Variants in KIAA0930 observed in about 807,000 individuals in gnomAD.
The protein encoded by KIAA0930 is uncharacterized protein KIAA0930.
Under a neutral mutation model 43.9 loss-of-function variants are expected in KIAA0930, and 24 were observed. That is an observed-to-expected ratio of 0.55 (90% CI 0.40 to 0.77). The LOEUF (loss-of-function observed/expected upper bound fraction) is 0.77. Among genes scored for constraint, KIAA0930 ranks in the 30% least tolerant of loss-of-function variants. The pLI, the probability that KIAA0930 is intolerant of heterozygous loss-of-function variation, is 0.00. For missense variants in KIAA0930, 461 were observed against 574.2 expected, an observed-to-expected ratio of 0.80 and a Z score of 2.02; for synonymous variants, 259 against 216.4, an observed-to-expected ratio of 1.20 and a Z score of -1.73.
intron 1 of KIAA0930, among the ~76,000 whole-genome samples, chr22:45,229,957 A>C (rs952206903): frequency 4.6e-5 from 7 of 152,238 alleles, no homozygotes; most frequent in Non-Finnish European, 8.8e-5. Flanking sequence ...TGAGCCAGGC[A>C]TGGTGGCAGG....
intron 1 of KIAA0930, among the ~76,000 whole-genome samples, chr22:45,215,764 C>T (rs9615065): frequency 0.22 from 33,891 of 152,164 alleles, 3,936 homozygotes; most frequent in Non-Finnish European, 0.27. Flanking sequence ...CAGACGAGAA[C>T]GCTAGGAGTG....
chr22:45,222,590 T>C (rs1044008364), intron 1 of KIAA0930, among the ~76,000 whole-genome samples: 12 of 151,826 alleles, frequency 7.9e-5, no homozygotes, highest in African/African-American at 2.9e-4. Flanking sequence ...ATTACAAGCA[T>C]GAGCCACTGG....
At chr22:45,211,726 T>C (rs533635411) in intron 2 of KIAA0930, among the ~76,000 whole-genome samples, 40 of 152,308 alleles carry the variant, frequency 2.6e-4, no homozygotes, top group Non-Finnish European at 4.4e-4. Flanking sequence ...ATCACTGCCC[T>C]TCAGGGTCAC....
In KIAA0930 at chr22:45,231,860, G is replaced by A. The variant is rs539200907; in HGVS notation, c.64+8780C>T. 3.3e-5 allele frequency among the ~76,000 whole-genome samples: 5 copies of A among 152,218 alleles called. No individual in the cohort carries two copies. The East Asian group carries it at 7.7e-4, about 23-fold the overall frequency. ...ACGAAAAATTAGCTGGTGTGGTGGCGGGTGCCTGTAGTCCCAGCTACTCGG... is the reference window on the plus strand; with the variant it reads ...ACGAAAAATTAGCTGGTGTGGTGGCAGGTGCCTGTAGTCCCAGCTACTCGG... On this transcript the variant is annotated intron_variant, in intron 1 of 9. Coordinates refer to ENST00000336156, the MANE Select transcript of KIAA0930 (RefSeq NM_001009880.2).
chr22:45,230,608 G>C (rs755967890), intron 1 of KIAA0930, among the ~76,000 whole-genome samples: 18 of 131,422 alleles, frequency 1.4e-4, no homozygotes, highest in Non-Finnish European at 2.5e-4. Context: ...TTGAGACGAT[G>C]TCTTGCTCTG....
chr22:45,208,379 G>T (rs1348872590), intron 2 of KIAA0930, among the ~76,000 whole-genome samples: 2 of 146,982 alleles, frequency 1.4e-5, no homozygotes, highest in South Asian at 4.2e-4. Flanking sequence ...TGCACGAGCT[G>T]TAAGAACAGG....
At chr22:45,209,198 C>T (rs115646143) in intron 2 of KIAA0930, among the ~76,000 whole-genome samples, 356 of 152,318 alleles carry the variant, frequency 2.3e-3, no homozygotes, top group African/African-American at 8.1e-3. Context: ...CTATGGCAAC[C>T]GGGTACCAGC....
At chr22:45,229,041 C>A (rs1359037352) in intron 1 of KIAA0930, among the ~76,000 whole-genome samples, 1 of 104,096 alleles carries the variant, frequency 9.6e-6, no homozygotes, top group Non-Finnish European at 1.9e-5. Flanking sequence ...CCCTCTCCAC[C>A]CCCCCACCAC....
At chr22:45,211,644 T>C (rs537856110) in intron 2 of KIAA0930, among the ~76,000 whole-genome samples, 3 of 152,244 alleles carry the variant, frequency 2.0e-5, no homozygotes, top group Admixed American at 2.0e-4. Context: ...TACCATCTAC[T>C]GACTAATTAT....
intron 7 of KIAA0930, among the ~76,000 whole-genome samples, chr22:45,202,259 G>A (rs2083595270): frequency 6.6e-6 from 1 of 152,248 alleles, no homozygotes; most frequent in Non-Finnish European, 1.5e-5. Flanking sequence ...AGCAGCCAGT[G>A]GGCTGGAGAC....
chr22:45,213,396 G>C, intron 1 of KIAA0930: 1 of 1,302,590 alleles, frequency 7.7e-7, no homozygotes, highest in African/African-American at 1.5e-5. Flanking sequence ...CTTCATCGGT[G>C]AGGGTCTGGG....
chr22:45,210,347 T>G (rs2083681597), intron 2 of KIAA0930, among the ~76,000 whole-genome samples: 1 of 150,404 alleles, frequency 6.6e-6, no homozygotes, highest in South Asian at 2.1e-4. Context: ...GTGAGAGGAG[T>G]CCCTCCCCCA....
chr22:45,208,428 A>G (rs2083659457), intron 2 of KIAA0930, among the ~76,000 whole-genome samples: 1 of 148,314 alleles, frequency 6.7e-6, no homozygotes, highest in Non-Finnish European at 1.5e-5. Context: ...CTGTGAGAAC[A>G]GGCAGAACCC....
At chr22:45,202,791 G>T in intron 7 of KIAA0930, 199 bp downstream of exon 7, 1 of 521,846 alleles carries the variant, frequency 1.9e-6, no homozygotes, top group Non-Finnish European at 3.3e-6. Flanking sequence ...CGCCTCCCCT[G>T]CGGCAGTGCC....
At chr22:45,220,664 C>T (rs188320925) in intron 1 of KIAA0930, among the ~76,000 whole-genome samples, 8 of 152,198 alleles carry the variant, frequency 5.3e-5, no homozygotes, top group African/African-American at 1.7e-4. Flanking sequence ...ACACTGCAGC[C>T]TCGACCTCCA....
At chr22:45,239,123 G>C (rs1228839513) in intron 1 of KIAA0930, among the ~76,000 whole-genome samples, 1 of 152,212 alleles carries the variant, frequency 6.6e-6, no homozygotes, top group Non-Finnish European at 1.5e-5. Flanking sequence ...GTGCTCACAG[G>C]TAAAGGTGGT....
chr22:45,193,119 T>G lies in KIAA0930; in HGVS notation c.*4057A>C, dbSNP rs182795160. On this transcript the variant is annotated 3_prime_UTR_variant, in exon 10 of 10. Coordinates refer to ENST00000336156, the MANE Select transcript of KIAA0930 (RefSeq NM_001009880.2). Reference sequence around the variant, plus strand: ...GAGTGTCCGTCCTATCAGGTGGTTGTTTGTAAAACAAAAGTACAGTCATTC... The same window carrying G: ...GAGTGTCCGTCCTATCAGGTGGTTGGTTGTAAAACAAAAGTACAGTCATTC... 1.0e-3 allele frequency: 152 copies of G among 152,254 alleles called. No homozygotes were observed. The highest frequency in any genetic ancestry group is 3.4e-3 in the African/African-American group (143 of 41,540). 9.4% of individuals were successfully genotyped at this position (152,254 alleles called of 1,614,324 possible).
At chr22:45,213,837 C>T (rs1409920680) in intron 1 of KIAA0930, among the ~76,000 whole-genome samples, 1 of 152,136 alleles carries the variant, frequency 6.6e-6, no homozygotes, top group Non-Finnish European at 1.5e-5. Context: ...TGGTGAAACC[C>T]TGTATCTAGT....
At chr22:45,225,032 GGCTCA>G (rs2083790260) in intron 1 of KIAA0930, among the ~76,000 whole-genome samples, 1 of 152,132 alleles carries the variant, frequency 6.6e-6, no homozygotes, top group South Asian at 2.1e-4. Context: ...GAGAACACCG[GGCTCA>G]GCAATAGACT....
Sources: gnomAD v4.1 joint callset for allele counts (sites outside exome capture counted in the v4.1 genomes callset) on GRCh38, gnomAD v4.1.1 for gene constraint, MANE v1.5 for transcripts, NCBI Gene and HGNC (gene_info 2026-07-23, HGNC 2026-07-21) for gene names.